Variants in SGK3 observed in about 807,000 individuals in gnomAD.
SGK3 encodes serine/threonine-protein kinase Sgk3.
Under a neutral mutation model 68.5 loss-of-function variants are expected in SGK3, and 47 were observed. The observed-to-expected ratio is 0.69, with a 90% CI of 0.54 to 0.87. The LOEUF (loss-of-function observed/expected upper bound fraction) is 0.87. Ranked by LOEUF, SGK3 falls within the 40% of genes least tolerant of loss-of-function variation. SGK3 has a pLI of 0.00. For missense variants in SGK3, 479 were observed against 575.5 expected, an observed-to-expected ratio of 0.83 and a Z score of 1.72; for synonymous variants, 181 against 189.1, an observed-to-expected ratio of 0.96 and a Z score of 0.35.
intron 10 of SGK3, among the ~76,000 whole-genome samples, chr8:66,836,803 G>A (rs1013185144): frequency 1.5e-5 from 2 of 133,802 alleles, no homozygotes; most frequent in South Asian, 2.3e-4. Context: ...TTGAGACAGC[G>A]TCTCACTCTG....
At chr8:66,814,339 C>G (rs754780061) in intron 5 of SGK3, among the ~76,000 whole-genome samples, 9 of 152,020 alleles carry the variant, frequency 5.9e-5, no homozygotes, top group Non-Finnish European at 1.2e-4. Context: ...TATTAATAAA[C>G]AAGTAATTGA....
At chr8:66,726,559 T>A (rs1804989217) in intron 1 of SGK3, among the ~76,000 whole-genome samples, 1 of 152,174 alleles carries the variant, frequency 6.6e-6, no homozygotes, top group Admixed American at 6.5e-5. Context: ...TGTTTTAATC[T>A]AGAAACTTGT....
chr8:66,768,081 T>C (rs931736152), intron 1 of SGK3: 7 of 513,738 alleles, frequency 1.4e-5, no homozygotes, highest in Admixed American at 9.4e-5. Flanking sequence ...ATTTGAATTA[T>C]ACCACATCAC....
chr8:66,812,203 C>T (rs1486780565), intron 4 of SGK3, among the ~76,000 whole-genome samples: 1 of 152,070 alleles, frequency 6.6e-6, no homozygotes, highest in Non-Finnish European at 1.5e-5. Context: ...GGGTTTTTAT[C>T]CAGACATTTG....
At chr8:66,783,737 G>A (rs905655160) in intron 1 of SGK3, among the ~76,000 whole-genome samples, 3 of 152,056 alleles carry the variant, frequency 2.0e-5, no homozygotes, top group African/African-American at 4.8e-5. Context: ...TATTGCCCAG[G>A]CTGGTCTTGA....
At chr8:66,819,508 T>A (rs1005677891) in intron 5 of SGK3, among the ~76,000 whole-genome samples, 2 of 152,232 alleles carry the variant, frequency 1.3e-5, no homozygotes, top group African/African-American at 2.4e-5. Context: ...TTTAGTACAT[T>A]CATGTTATAT....
chr8:66,774,351 C>T (rs192819054), intron 1 of SGK3, among the ~76,000 whole-genome samples: 7 of 152,054 alleles, frequency 4.6e-5, no homozygotes, highest in Admixed American at 4.6e-4. Context: ...ATTTTAGAAA[C>T]AGGGTCTTGC....
intron 1 of SGK3, among the ~76,000 whole-genome samples, chr8:66,793,313 A>C (rs544941859): frequency 7.2e-5 from 11 of 152,340 alleles, no homozygotes; most frequent in African/African-American, 2.6e-4. Flanking sequence ...AAGAAGTCTG[A>C]AAACCACACT....
chr8:66,756,549 G>A (rs1585673269), intron 1 of SGK3, among the ~76,000 whole-genome samples: 1 of 139,784 alleles, frequency 7.2e-6, no homozygotes, highest in Admixed American at 7.3e-5. Context: ...CAAGAATCTT[G>A]AAATTGAGGC....
At chr8:66,801,001 T>C (rs1215475954) in intron 3 of SGK3, among the ~76,000 whole-genome samples, 1 of 152,198 alleles carries the variant, frequency 6.6e-6, no homozygotes, top group Non-Finnish European at 1.5e-5. Context: ...ACCTATAATG[T>C]TGCTACTCAG....
At chr8:66,720,613 T>C (rs962610291) in intron 1 of SGK3, among the ~76,000 whole-genome samples, 1 of 144,220 alleles carries the variant, frequency 6.9e-6, no homozygotes, top group African/African-American at 2.9e-5. Context: ...CTACTAAAAA[T>C]ATAAAAATTA....
chr8:66,801,657 TTCTC>T (rs145435219), intron 3 of SGK3, among the ~76,000 whole-genome samples: 9,319 of 151,534 alleles, frequency 0.061, 356 homozygotes, highest in Non-Finnish European at 0.089. Flanking sequence ...CCCTCTCTCT[TTCTC>T]TCTCTCTCTC....
At position 66,793,722 on chromosome 8, in the gene SGK3, C is replaced by T. The variant is rs1298646713; in HGVS notation, c.-15C>T. 6.2e-7 allele frequency: 1 copy of T among 1,609,890 alleles called. No individual in the cohort carries two copies. Among genetic ancestry groups the T allele is most frequent in the Non-Finnish European group, 8.5e-7 (1 of 1,177,852 alleles). On this transcript the variant is annotated 5_prime_UTR_variant, in exon 2 of 17. Coordinates refer to ENST00000521198, the MANE Select transcript of SGK3 (RefSeq NM_001033578.3). ...TTCTTCGGATGCATTTTTTGGTGTG[C>T]TCTTGAGGGATTAAATGCAAAGAGA... is the stretch of plus-strand genomic sequence containing the variant.
chr8:66,849,791 T>C (rs914387207), intron 15 of SGK3, among the ~76,000 whole-genome samples: 2 of 151,760 alleles, frequency 1.3e-5, no homozygotes, highest in Admixed American at 6.6e-5. Context: ...ATTGCCCAGG[T>C]TGGGTTTGAA....
intron 4 of SGK3, among the ~76,000 whole-genome samples, chr8:66,806,781 T>A (rs537904441): frequency 7.2e-6 from 1 of 138,388 alleles, no homozygotes; most frequent in East Asian, 2.1e-4. Flanking sequence ...ACCATTGCAC[T>A]CCAGCCTGGG....
chr8:66,747,802 CT>C (rs1805694723), intron 1 of SGK3, among the ~76,000 whole-genome samples: 1 of 152,154 alleles, frequency 6.6e-6, no homozygotes, highest in Admixed American at 6.6e-5. Flanking sequence ...AAAAATCTTC[CT>C]TATCTTTTAA....
At chr8:66,778,686 A>G (rs1806826272) in intron 1 of SGK3, among the ~76,000 whole-genome samples, 1 of 152,234 alleles carries the variant, frequency 6.6e-6, no homozygotes, top group African/African-American at 2.4e-5. Context: ...TTATTTCTAC[A>G]GTATAGACAA....
intron 1 of SGK3, among the ~76,000 whole-genome samples, chr8:66,736,847 G>A (rs1392339445): frequency 2.6e-5 from 4 of 150,948 alleles, no homozygotes; most frequent in Admixed American, 2.0e-4. Context: ...TTGAACTCCC[G>A]ACCTCAGGTG....
intron 4 of SGK3, among the ~76,000 whole-genome samples, chr8:66,810,783 G>A (rs532168577): frequency 3.3e-5 from 5 of 152,128 alleles, no homozygotes. Context: ...ATGGTTGGTA[G>A]CCATTCTATG....
Sources: gnomAD v4.1 joint callset for allele counts (sites outside exome capture counted in the v4.1 genomes callset) on GRCh38, gnomAD v4.1.1 for gene constraint, MANE v1.5 for transcripts, NCBI Gene and HGNC (gene_info 2026-07-23, HGNC 2026-07-21) for gene names.